DPF3: variants seen among roughly 807,000 people sequenced by gnomAD.
DPF3 encodes zinc finger protein DPF3.
A neutral mutation model predicts 56.8 loss-of-function variants in DPF3; 18 were observed. The ratio of observed to expected loss-of-function variants is 0.32; its 90% CI spans 0.22 to 0.47. The LOEUF (loss-of-function observed/expected upper bound fraction) is 0.47. Ranked by LOEUF, DPF3 falls within the 20% of genes least tolerant of loss-of-function variation. DPF3 has a pLI of 1.00. For synonymous variants in DPF3, 188 were observed against 180.2 expected, an observed-to-expected ratio of 1.04 and a Z score of -0.35; for missense variants, 403 against 488.8, an observed-to-expected ratio of 0.82 and a Z score of 1.65.
At chr14:72,757,493 G>C (rs1045824764) in intron 2 of DPF3, among the ~76,000 whole-genome samples, 2 of 152,054 alleles carry the variant, frequency 1.3e-5, no homozygotes, top group Admixed American at 1.3e-4. Flanking sequence ...GCTTGGGTTT[G>C]AAGGGCAGCT....
intron 1 of DPF3, among the ~76,000 whole-genome samples, chr14:72,786,081 G>A (rs962265754): frequency 9.9e-5 from 15 of 152,102 alleles, no homozygotes; most frequent in Non-Finnish European, 2.2e-4. Flanking sequence ...GGCCAACTTG[G>A]TGAAACTCCA....
intron 1 of DPF3, among the ~76,000 whole-genome samples, chr14:72,824,044 G>T (rs1253179194): frequency 6.6e-6 from 1 of 152,158 alleles, no homozygotes; most frequent in Non-Finnish European, 1.5e-5. Context: ...CAATGAGGAA[G>T]TGTGAGGAGA....
intron 8 of DPF3, among the ~76,000 whole-genome samples, chr14:72,655,021 C>A (rs1886023407): frequency 1.3e-5 from 2 of 152,088 alleles, no homozygotes; most frequent in South Asian, 4.1e-4. Context: ...CATCACTCAG[C>A]CAAGCAGAAG....
At chr14:72,756,638 C>G (rs1282291781) in intron 2 of DPF3, among the ~76,000 whole-genome samples, 1 of 151,970 alleles carries the variant, frequency 6.6e-6, no homozygotes, top group Non-Finnish European at 1.5e-5. Context: ...CATGGTGAAA[C>G]CTCATCTCTA....
chr14:72,670,635 T>TTCTCTC (rs140358812), intron 8 of DPF3: 36,523 of 933,872 alleles, frequency 0.039, 486 homozygotes, highest in South Asian at 0.16. Flanking sequence ...TTGATTTCCC[T>TTCTCTC]TCTCTCTCTC....
intron 1 of DPF3, among the ~76,000 whole-genome samples, chr14:72,862,339 C>T (rs958551730): frequency 6.6e-6 from 1 of 152,152 alleles, no homozygotes; most frequent in Non-Finnish European, 1.5e-5. Flanking sequence ...ACCATCACAA[C>T]AATCCACCGT....
At chr14:72,624,408 G>A (rs78767540) in intron 9 of DPF3, among the ~76,000 whole-genome samples, 6,164 of 140,778 alleles carry the variant, frequency 0.044, 234 homozygotes, top group East Asian at 0.11. Flanking sequence ...GTGCCATCTC[G>A]GCTCACTGCA....
Position 72,852,833 on chromosome 14 carries a change from G to C in DPF3, c.32+41224C>G, listed in dbSNP as rs530390130. Among the ~76,000 whole-genome samples, 4 of 152,142 alleles carry C rather than the reference G, an allele frequency of 2.6e-5. 1 individual carries two copies. The South Asian group carries it at 8.3e-4, about 32-fold the overall frequency. ...CTTTGCCACACACTACATACATACT[G>C]TTTGCATCAATAAACAGAGCCCGTG... On this transcript the variant is annotated intron_variant, in intron 1 of 10. Coordinates refer to ENST00000556509, the MANE Select transcript of DPF3 (RefSeq NM_001280542.3).
In DPF3 at chr14:72,696,285, G is replaced by C. The variant is rs1323597430; in HGVS notation, c.605-3072C>G. ...CTGTTGCTTAATCACACAATTTCAG[G>C]ATCTTAATGGTCATTTTGTCTATCT... On this transcript the variant is annotated intron_variant, in intron 6 of 10. Coordinates refer to ENST00000556509, the MANE Select transcript of DPF3 (RefSeq NM_001280542.3). 1.1e-4 allele frequency among the ~76,000 whole-genome samples: 17 copies of C among 152,178 alleles called. 1 individual carries two copies. Among genetic ancestry groups the C allele is most frequent in the Admixed American group, 1.1e-3 (17 of 15,272 alleles).
At chr14:72,715,015 T>A (rs1001386538) in intron 5 of DPF3, among the ~76,000 whole-genome samples, 1 of 152,108 alleles carries the variant, frequency 6.6e-6, no homozygotes, top group Non-Finnish European at 1.5e-5. Flanking sequence ...TCTGTGTCCA[T>A]CCCCGCAGTG....
chr14:72,797,016 C>A (rs541805444), intron 1 of DPF3, among the ~76,000 whole-genome samples: 2 of 152,302 alleles, frequency 1.3e-5, no homozygotes, highest in African/African-American at 4.8e-5. Flanking sequence ...AAACTACCTT[C>A]CTGTGGCTAA....
intron 7 of DPF3, among the ~76,000 whole-genome samples, chr14:72,689,329 A>G (rs1887573482): frequency 6.6e-6 from 1 of 152,124 alleles, no homozygotes; most frequent in African/African-American, 2.4e-5. Flanking sequence ...TTTTTCCATT[A>G]GGCCTCCGCT....
chr14:72,716,254 C>A (rs1188227056), intron 5 of DPF3, among the ~76,000 whole-genome samples: 1 of 152,144 alleles, frequency 6.6e-6, no homozygotes, highest in Non-Finnish European at 1.5e-5. Context: ...GCCAGGTTTT[C>A]ATCTCCTACA....
chr14:72,688,275 GTGGGTGGGTGGGTGGATGGA>G (rs1567200799), intron 7 of DPF3, among the ~76,000 whole-genome samples: 1 of 105,348 alleles, frequency 9.5e-6, no homozygotes, highest in Non-Finnish European at 1.9e-5. Context: ...GGATGAGTGG[GTGGGTGGGTGGGTGGATGGA>G]TGGGTGGGTG....
chr14:72,701,302 T>C (rs1429546400), intron 6 of DPF3, among the ~76,000 whole-genome samples: 1 of 152,194 alleles, frequency 6.6e-6, no homozygotes, highest in Non-Finnish European at 1.5e-5. Context: ...CCTGGCATGG[T>C]GCACATGGAG....
At chr14:72,862,904 G>A (rs970713261) in intron 1 of DPF3, among the ~76,000 whole-genome samples, 1 of 151,960 alleles carries the variant, frequency 6.6e-6, no homozygotes, top group Non-Finnish European at 1.5e-5. Flanking sequence ...TGCCCAATTT[G>A]TTCACTGCTC....
chr14:72,890,264 G>A lies in DPF3; in HGVS notation c.32+3793C>T, dbSNP rs575607200. Among the ~76,000 whole-genome samples the A allele has an allele frequency of 1.2e-4, 18 of 152,226 alleles. No individual in the cohort carries two copies. The South Asian group carries it at 3.7e-3, about 32-fold the overall frequency. On this transcript the variant is annotated intron_variant, in intron 1 of 10. Transcript: ENST00000556509. ...CCAGCACTTTGGGAGGCCAAGGCAG[G>A]CAGATCACTTGAGGCCACGAGTTTG...
chr14:72,863,096 A>G (rs61988460), intron 1 of DPF3, among the ~76,000 whole-genome samples: 1 of 92,644 alleles, frequency 1.1e-5, no homozygotes, highest in Non-Finnish European at 2.3e-5. Context: ...ATATATATAT[A>G]TATATGTGTG....
intron 1 of DPF3, among the ~76,000 whole-genome samples, chr14:72,811,422 G>A (rs1883039510): frequency 6.6e-6 from 1 of 152,172 alleles, no homozygotes. Flanking sequence ...CAGCAGAGAG[G>A]CCTGGAACAG....
Sources: gnomAD v4.1 joint callset for allele counts (sites outside exome capture counted in the v4.1 genomes callset) on GRCh38, gnomAD v4.1.1 for gene constraint, MANE v1.5 for transcripts, NCBI Gene and HGNC (gene_info 2026-07-23, HGNC 2026-07-21) for gene names.